AR: variants seen among roughly 807,000 people sequenced by gnomAD.
The protein encoded by AR is androgen receptor, also known as dihydrotestosterone receptor.
A neutral mutation model predicts 53.9 loss-of-function variants in AR; 8 were observed. That is an observed-to-expected ratio of 0.15 (90% CI 0.09 to 0.27). AR has a LOEUF of 0.27. AR is among the 10% of genes least tolerant of loss of function. The probability of loss-of-function intolerance (pLI) is 1.00; values close to 1 mark genes in which losing one functional copy is unlikely to be tolerated. For missense variants in AR, 639 were observed against 742.5 expected (o/e 0.86, Z 1.62); for synonymous variants, 359 against 316.4 (o/e 1.13, Z -1.43).
intron 1 of AR, among the ~76,000 whole-genome samples, chrX:67,547,072 C>T (rs1214934350): frequency 1.8e-5 from 2 of 111,162 alleles, no homozygotes; most frequent in African/African-American, 6.6e-5. Context: ...GCACGGGCCA[C>T]CTTCAGAGAT....
intron 3 of AR, among the ~76,000 whole-genome samples, chrX:67,700,475 C>G (rs982418328): frequency 2.7e-5 from 3 of 111,338 alleles, no homozygotes; most frequent in African/African-American, 9.8e-5. Context: ...CTGCTGCAGA[C>G]AGAACAGAGG....
chrX:67,707,838 G>T (rs1435621287), intron 3 of AR, among the ~76,000 whole-genome samples: 1 of 111,588 alleles, frequency 9.0e-6, no homozygotes, highest in Non-Finnish European at 1.9e-5. Context: ...TGCAGGCCTG[G>T]TGGTGACAAA....
intron 1 of AR, among the ~76,000 whole-genome samples, chrX:67,623,172 C>T (rs947095579): frequency 6.3e-5 from 7 of 110,427 alleles, no homozygotes; most frequent in Admixed American, 9.7e-5. Flanking sequence ...ACCACCCCCC[C>T]GCCCCCATAA....
chrX:67,662,200 G>T (rs182515285), intron 2 of AR, among the ~76,000 whole-genome samples: 1 of 111,342 alleles, frequency 9.0e-6, no homozygotes, highest in African/African-American at 3.3e-5. Flanking sequence ...CTTCAGTTCT[G>T]CTCTGATCTT....
chrX:67,594,137 G>A (rs1054888385), intron 1 of AR, among the ~76,000 whole-genome samples: 2 of 111,781 alleles, frequency 1.8e-5, no homozygotes, highest in Non-Finnish European at 3.8e-5. Context: ...GGGACCACAA[G>A]TGGGCACCAC....
chrX:67,626,083 A>G (rs967206085), intron 1 of AR, among the ~76,000 whole-genome samples: 3 of 111,381 alleles, frequency 2.7e-5, no homozygotes, highest in African/African-American at 9.8e-5. Context: ...CAATCCAATT[A>G]TACTCTTTTA....
chrX:67,719,290 C>T (rs2076126200), intron 5 of AR, among the ~76,000 whole-genome samples: 1 of 112,195 alleles, frequency 8.9e-6, no homozygotes, highest in African/African-American at 3.2e-5. Flanking sequence ...AACTGTTCAT[C>T]TCCCATCCTT....
Position 67,726,477 on chromosome X carries a change from A to G in AR, c.*2636A>G, listed in dbSNP as rs1019085967. On this transcript the variant is annotated 3_prime_UTR_variant, in exon 8 of 8. Coordinates refer to ENST00000374690, the MANE Select transcript of AR (RefSeq NM_000044.6). ...TAGAAGCTCTCCTTTACATTTCTCT[A>G]TCAAATTTTTCATCTTTATGGGTTT... The G allele has an allele frequency of 4.6e-5, 8 of 173,952 alleles. No homozygotes were observed. Among genetic ancestry groups the G allele is most frequent in the Non-Finnish European group, 8.8e-5 (8 of 91,278 alleles). 14.3% of individuals were successfully genotyped at this position (173,952 alleles called of 1,213,427 possible). A position where few individuals can be genotyped will look rare whatever the true frequency, so the allele number is the denominator to read the frequency against.
At chrX:67,583,082 C>T (rs978965545) in intron 1 of AR, among the ~76,000 whole-genome samples, 2 of 111,260 alleles carry the variant, frequency 1.8e-5, no homozygotes, top group Admixed American at 9.6e-5. Context: ...TGTACAGAAC[C>T]CTTGAGACTC....
chrX:67,562,788 G>T (rs1004770490), intron 1 of AR, among the ~76,000 whole-genome samples: 2 of 111,382 alleles, frequency 1.8e-5, no homozygotes, highest in African/African-American at 6.5e-5. Flanking sequence ...ACATAACATA[G>T]TTGGATGACC....
At chrX:67,627,195 G>T (rs1881393157) in intron 1 of AR, among the ~76,000 whole-genome samples, 1 of 111,357 alleles carries the variant, frequency 9.0e-6, no homozygotes, top group Non-Finnish European at 1.9e-5. Flanking sequence ...AGATCCCTGA[G>T]GAATCACCAC....
At chrX:67,626,851 A>G (rs1228784564) in intron 1 of AR, among the ~76,000 whole-genome samples, 2 of 91,954 alleles carry the variant, frequency 2.2e-5, no homozygotes, top group Admixed American at 2.7e-4. Flanking sequence ...TCATTGTTCA[A>G]TTCCCACCTA....
chrX:67,559,965 G>T (rs1023930391), intron 1 of AR, among the ~76,000 whole-genome samples: 2 of 111,725 alleles, frequency 1.8e-5, no homozygotes, highest in Non-Finnish European at 1.9e-5. Flanking sequence ...TCAGCCTTTT[G>T]AATAAAAAAG....
intron 1 of AR, among the ~76,000 whole-genome samples, chrX:67,598,228 A>G (rs1227049822): frequency 9.0e-6 from 1 of 111,281 alleles, no homozygotes; most frequent in Non-Finnish European, 1.9e-5. Flanking sequence ...AAAGTGCTGA[A>G]AACTCACTGC....
intron 1 of AR, among the ~76,000 whole-genome samples, chrX:67,602,664 G>A (rs1013985128): frequency 3.6e-5 from 4 of 111,499 alleles, no homozygotes; most frequent in South Asian, 3.8e-4. Context: ...CAGACCTACA[G>A]CCATAAAGAA....
chrX:67,669,411 A>G (rs1266288451), intron 2 of AR, among the ~76,000 whole-genome samples: 2 of 111,689 alleles, frequency 1.8e-5, no homozygotes, highest in Non-Finnish European at 3.8e-5. Flanking sequence ...AAGAAGCTTG[A>G]TATGAATGCA....
chrX:67,684,870 GT>G (rs201845471), intron 2 of AR, among the ~76,000 whole-genome samples: 14 of 108,811 alleles, frequency 1.3e-4, no homozygotes, highest in Admixed American at 5.9e-4. Context: ...GTTTTTAGTT[GT>G]TTTTTTTTCT....
intron 3 of AR, among the ~76,000 whole-genome samples, chrX:67,699,317 G>A (rs187460897): frequency 1.8e-5 from 2 of 111,767 alleles, no homozygotes; most frequent in Non-Finnish European, 3.8e-5. Flanking sequence ...TGTAATTATT[G>A]CAGGATTCAG....
chrX:67,672,778 G>C (rs766363400), intron 2 of AR, among the ~76,000 whole-genome samples: 13 of 111,227 alleles, frequency 1.2e-4, no homozygotes, highest in Non-Finnish European at 2.1e-4. Flanking sequence ...CAAGATATGA[G>C]TAGTTCACAC....
Sources: gnomAD v4.1 joint callset for allele counts (sites outside exome capture counted in the v4.1 genomes callset) on GRCh38, gnomAD v4.1.1 for gene constraint, MANE v1.5 for transcripts, NCBI Gene and HGNC (gene_info 2026-07-23, HGNC 2026-07-21) for gene names.